Variants in DST observed in about 807,000 individuals in gnomAD.
DST encodes dystonin.
DST carries 253 observed loss-of-function variants against 875.2 expected under a neutral mutation model. The ratio of observed to expected loss-of-function variants is 0.29; its 90% CI spans 0.26 to 0.32. DST has a LOEUF of 0.32. Ranked by LOEUF, DST falls within the 10% of genes least tolerant of loss-of-function variation. The pLI, the probability that DST is intolerant of heterozygous loss-of-function variation, is 1.00. For missense variants in DST, 8,287 were observed against 9,111.6 expected (o/e 0.91, Z 3.68); for synonymous variants, 3,124 against 3,197.1 (o/e 0.98, Z 0.77).
intron 4 of DST, among the ~76,000 whole-genome samples, chr6:56,824,467 A>C (rs984800916): frequency 2.5e-4 from 35 of 142,574 alleles, no homozygotes; most frequent in Non-Finnish European, 3.8e-4. Context: ...CTGGCTGCCC[A>C]TCGTCTGGGA....
intron 10 of DST, among the ~76,000 whole-genome samples, chr6:56,653,743 T>C (rs2098988994): frequency 6.6e-6 from 1 of 152,136 alleles, no homozygotes; most frequent in Non-Finnish European, 1.5e-5. Flanking sequence ...TAAAATGCTA[T>C]TCCTCCCTTA....
rs191289833 is a variant in DST, at chr6:56,615,653, C to A, written c.4930-1169G>T. ...TGTCAACTTTCTTTTTGTCTGAGGG[C>A]ATATTATATTTCTGACATATGACTT... is the stretch of plus-strand genomic sequence containing the variant. On this transcript the variant is annotated intron_variant, in intron 36 of 103. Transcript: ENST00000680361. 10 of 1,613,910 alleles carry A rather than the reference C, an allele frequency of 6.2e-6. No homozygotes were observed. In the East Asian group the frequency reaches 2.2e-4, roughly 36 times the overall value.
chr6:56,503,594 T>TACACACACAC (rs10637850), intron 78 of DST, among the ~76,000 whole-genome samples: 46,712 of 140,436 alleles, frequency 0.33, 7,978 homozygotes, highest in East Asian at 0.46. Context: ...TACCTATACA[T>TACACACACAC]ACACACACAC....
At chr6:56,878,496 A>G (rs1444447934) in intron 3 of DST, among the ~76,000 whole-genome samples, 1 of 152,148 alleles carries the variant, frequency 6.6e-6, no homozygotes, top group East Asian at 1.9e-4. Flanking sequence ...GCTCCTATTC[A>G]AAGGGATCCT....
chr6:56,603,770 A>T, intron 40 of DST, 57 bp from the exon 41 acceptor site: 2 of 1,576,424 alleles, frequency 1.3e-6, no homozygotes, highest in Non-Finnish European at 1.7e-6. Context: ...GTTTAAAGCA[A>T]ATGTATGGGA....
intron 59 of DST, among the ~76,000 whole-genome samples, chr6:56,556,996 A>G (rs2097432479): frequency 6.6e-6 from 1 of 152,214 alleles, no homozygotes; most frequent in Admixed American, 6.5e-5. Flanking sequence ...TCTCATAAAG[A>G]TATTACTTAA....
At chr6:56,910,705 G>A (rs1451629930) in intron 2 of DST, among the ~76,000 whole-genome samples, 31 of 150,302 alleles carry the variant, frequency 2.1e-4, no homozygotes, top group African/African-American at 6.9e-4. Flanking sequence ...GGCTAGTCTC[G>A]AACTCCTGAC....
chr6:56,496,205 T>C (rs1305430164), intron 82 of DST, among the ~76,000 whole-genome samples: 1 of 152,180 alleles, frequency 6.6e-6, no homozygotes, highest in Non-Finnish European at 1.5e-5. Flanking sequence ...TACAATGGAA[T>C]ATGAATTTAA....
chr6:56,621,097 C>T (rs530173513), intron 36 of DST, among the ~76,000 whole-genome samples: 2 of 152,298 alleles, frequency 1.3e-5, no homozygotes, highest in South Asian at 2.1e-4. Context: ...AAAACTCTCA[C>T]GACGGTGCCC....
intron 3 of DST, among the ~76,000 whole-genome samples, chr6:56,876,367 C>G (rs79895109): frequency 0.038 from 5,785 of 152,206 alleles, 372 homozygotes; most frequent in African/African-American, 0.13. Flanking sequence ...TCTGGATGAT[C>G]ACATCACCTG....
At chr6:56,878,910 A>T (rs545655176) in intron 3 of DST, among the ~76,000 whole-genome samples, 1 of 152,334 alleles carries the variant, frequency 6.6e-6, no homozygotes, top group South Asian at 2.1e-4. Context: ...TATTAGACGA[A>T]GCAAAAATCT....
intron 4 of DST, among the ~76,000 whole-genome samples, chr6:56,799,996 T>C (rs932668557): frequency 6.6e-6 from 1 of 152,172 alleles, no homozygotes; most frequent in Non-Finnish European, 1.5e-5. Context: ...CTTAATAGAC[T>C]ACAATATAAT....
rs1423648923 is a variant in DST at position 56,477,507 on chromosome 6, CT to C, written c.21532-20del. On this transcript the variant is annotated intron_variant, in intron 90 of 103. Transcript: ENST00000680361. ...TGAATTCCTACAGCAGAAACAAAGA[CT>C]TCAATTAACTGTTGGCATTGGCTGA... is the stretch of plus-strand genomic sequence containing the variant. 6.2e-7 allele frequency: 1 copy of C among 1,613,704 alleles called. No homozygotes were observed. The highest frequency in any genetic ancestry group is 8.5e-7 in the Non-Finnish European group (1 of 1,179,748).
rs368392190 is a variant in DST, at chr6:56,506,578, A to G, written c.19363-34T>C. ...TGTATGTTAGAATTCTTTTAGTGCC[A>G]TATTTTAAACTTTCAACTACTGTTA... is the stretch of plus-strand genomic sequence containing the variant. On this transcript the variant is annotated intron_variant, in intron 76 of 103. Coordinates refer to ENST00000680361, the MANE Select transcript of DST (RefSeq NM_001374736.1). The G allele has an allele frequency of 1.9e-5, 30 of 1,608,340 alleles. 1 individual carries two copies. In the South Asian group the frequency reaches 3.2e-4, roughly 17 times the overall value.
intron 4 of DST, among the ~76,000 whole-genome samples, chr6:56,789,820 A>G (rs943189567): frequency 6.6e-6 from 1 of 152,196 alleles, no homozygotes; most frequent in Admixed American, 6.5e-5. Flanking sequence ...CATTGTATGT[A>G]CATACGACAT....
intron 4 of DST, among the ~76,000 whole-genome samples, chr6:56,795,568 C>T (rs1402982186): frequency 1.3e-5 from 2 of 152,178 alleles, no homozygotes; most frequent in Admixed American, 6.5e-5. Context: ...TAGTTCTCAA[C>T]TCTGGCTACA....
intron 17 of DST, among the ~76,000 whole-genome samples, chr6:56,641,513 A>C (rs576082364): frequency 4.0e-5 from 6 of 151,256 alleles, no homozygotes; most frequent in Non-Finnish European, 7.4e-5. Flanking sequence ...GCCTGAACCC[A>C]GGAGGCAGAG....
At chr6:56,911,106 A>C (rs1269850124) in intron 2 of DST, among the ~76,000 whole-genome samples, 2 of 152,214 alleles carry the variant, frequency 1.3e-5, no homozygotes, top group South Asian at 2.1e-4. Flanking sequence ...GGTTCTTGAC[A>C]CTTAGGCTGT....
In DST at chr6:56,498,118, A is replaced by G. The variant is rs964097043; in HGVS notation, c.19897-65T>C. ...ACATGTTAATATCATCTTTAATGCA[A>G]TTGTTTTCCTTTCTGGTTATGAAAC... On this transcript the variant is annotated intron_variant, in intron 80 of 103. Transcript: ENST00000680361. 16 of 1,444,188 alleles carry G rather than the reference A, an allele frequency of 1.1e-5. 1 individual carries two copies. In the African/African-American group the frequency reaches 2.3e-4, roughly 21 times the overall value. 89.5% of individuals were successfully genotyped at this position (1,444,188 alleles called of 1,614,324 possible). A position where few individuals can be genotyped will look rare whatever the true frequency, so the allele number is the denominator to read the frequency against.
Sources: gnomAD v4.1 joint callset for allele counts (sites outside exome capture counted in the v4.1 genomes callset) on GRCh38, gnomAD v4.1.1 for gene constraint, MANE v1.5 for transcripts, NCBI Gene and HGNC (gene_info 2026-07-23, HGNC 2026-07-21) for gene names.